NEK11: variants seen among roughly 807,000 people sequenced by gnomAD.
NEK11 encodes the protein NIMA related kinase 11.
In NEK11, 72 loss-of-function variants were observed where a neutral mutation model predicts 80.7. The observed-to-expected ratio is 0.89, with a 90% CI of 0.74 to 1.08. The LOEUF is 1.08. NEK11 is among the 50% of genes least tolerant of loss of function. The pLI is 0.00. For missense variants in NEK11, 764 were observed against 763.6 expected, an observed-to-expected ratio of 1.00 and a Z score of -0.01; for synonymous variants, 251 against 260.7, an observed-to-expected ratio of 0.96 and a Z score of 0.36.
chr3:131,292,994 A>AT (rs140423402), intron 17 of NEK11, among the ~76,000 whole-genome samples: 4 of 152,022 alleles, frequency 2.6e-5, no homozygotes, highest in Non-Finnish European at 5.9e-5. Flanking sequence ...CTTTTTATCG[A>AT]TTTTTTTAAA....
chr3:131,225,136 A>T (rs1179878797), intron 14 of NEK11, among the ~76,000 whole-genome samples: 2 of 152,194 alleles, frequency 1.3e-5, no homozygotes, highest in African/African-American at 4.8e-5. Flanking sequence ...CATTCATGGT[A>T]ACAGCCCTGT....
chr3:131,318,921 A>T (rs1485230526), intron 17 of NEK11, among the ~76,000 whole-genome samples: 1 of 151,814 alleles, frequency 6.6e-6, no homozygotes, highest in African/African-American at 2.4e-5. Flanking sequence ...TTTATTTTTG[A>T]CCCACCTTTC....
intron 14 of NEK11, among the ~76,000 whole-genome samples, chr3:131,218,954 A>AT (rs1317055071): frequency 6.6e-6 from 1 of 152,188 alleles, no homozygotes; most frequent in Non-Finnish European, 1.5e-5. Context: ...GGGAGTGTAA[A>AT]TTAGTTCAAC....
chr3:131,053,020 C>T (rs1160679), intron 3 of NEK11, among the ~76,000 whole-genome samples: 23,344 of 151,984 alleles, frequency 0.15, 1,860 homozygotes, highest in Non-Finnish European at 0.17. Context: ...TCCCGCCCCC[C>T]GGGACACTCT....
At chr3:131,209,557 A>G (rs1027993572) in intron 14 of NEK11, among the ~76,000 whole-genome samples, 4 of 152,184 alleles carry the variant, frequency 2.6e-5, no homozygotes, top group African/African-American at 9.7e-5. Flanking sequence ...TTCAGAAGGA[A>G]TGGTACCAGC....
chr3:131,042,947 C>T (rs1341319580), intron 3 of NEK11, among the ~76,000 whole-genome samples: 1 of 152,222 alleles, frequency 6.6e-6, no homozygotes, highest in East Asian at 1.9e-4. Context: ...TCTGCAGCCT[C>T]TGCTGGTGAT....
At chr3:131,028,168 T>C (rs1424275042) in intron 2 of NEK11, among the ~76,000 whole-genome samples, 166 bp downstream of exon 2, 1 of 152,218 alleles carries the variant, frequency 6.6e-6, no homozygotes, top group African/African-American at 2.4e-5. Context: ...AAAAAGCTGG[T>C]AACTAATCTC....
At chr3:131,266,994 A>G (rs1581138505) in intron 16 of NEK11, among the ~76,000 whole-genome samples, 1 of 152,188 alleles carries the variant, frequency 6.6e-6, no homozygotes, top group African/African-American at 2.4e-5. Context: ...CTGTTTTATC[A>G]GAGACTAAAT....
chr3:131,069,551 G>T (rs958696937), intron 3 of NEK11, among the ~76,000 whole-genome samples: 1 of 151,900 alleles, frequency 6.6e-6, no homozygotes, highest in South Asian at 2.1e-4. Flanking sequence ...GGCATTATTC[G>T]CAATAGCAAA....
intron 17 of NEK11, chr3:131,329,964 A>C (rs1245512718): frequency 6.6e-6 from 1 of 152,306 alleles, no homozygotes; most frequent in Non-Finnish European, 1.5e-5. Context: ...AAGTAGGCTT[A>C]CCGTGGCTGC....
At chr3:131,138,478 G>A (rs1238546125) in intron 7 of NEK11, among the ~76,000 whole-genome samples, 2 of 152,182 alleles carry the variant, frequency 1.3e-5, no homozygotes, top group Non-Finnish European at 2.9e-5. Context: ...CCAGGACCTA[G>A]GAAACTCACA....
intron 5 of NEK11, among the ~76,000 whole-genome samples, chr3:131,111,633 A>G (rs1397892872): frequency 6.6e-6 from 1 of 152,160 alleles, no homozygotes; most frequent in Non-Finnish European, 1.5e-5. Flanking sequence ...CAAGCTGGTC[A>G]TGAGAGCAAG....
chr3:131,158,744 C>T (rs1283553219), intron 10 of NEK11, among the ~76,000 whole-genome samples: 1 of 152,204 alleles, frequency 6.6e-6, no homozygotes, highest in East Asian at 1.9e-4. Context: ...CACCCTGACA[C>T]CTGCTAGCAC....
At chr3:131,175,102 A>G (rs1579591853) in intron 14 of NEK11, 3 of 1,083,358 alleles carry the variant, frequency 2.8e-6, no homozygotes, top group East Asian at 1.1e-4. Context: ...TTAAATGTCC[A>G]AGTGGAAATA....
rs202235683 is a variant in NEK11 at position 131,061,983 on chromosome 3, TA to T, written c.171-18438del. On this transcript the variant is annotated intron_variant, in intron 3 of 17. Transcript: ENST00000383366. ...GCGTACACCATGTTCAATCAAAAGATAACTGAGTTGATAACGAATGAATTCA... is the reference window on the plus strand; with the variant it reads ...GCGTACACCATGTTCAATCAAAAGATACTGAGTTGATAACGAATGAATTCA... Among the ~76,000 whole-genome samples, 542 of 152,290 alleles carry T rather than the reference TA, an allele frequency of 3.6e-3. 7 individuals are homozygous for T. The highest frequency in any genetic ancestry group is 0.028 in the East Asian group (143 of 5,190).
intron 7 of NEK11, among the ~76,000 whole-genome samples, chr3:131,137,386 G>A (rs1017118306): frequency 6.6e-6 from 1 of 152,102 alleles, no homozygotes; most frequent in Non-Finnish European, 1.5e-5. Flanking sequence ...AGTCCAACTT[G>A]CCAGCATTTC....
chr3:131,267,752 G>A (rs780359219), intron 16 of NEK11, among the ~76,000 whole-genome samples: 7 of 152,028 alleles, frequency 4.6e-5, no homozygotes, highest in Non-Finnish European at 1.0e-4. Context: ...TGCGTGTCTC[G>A]GGGTTGCTCT....
At chr3:131,202,874 A>G (rs1039959036) in intron 14 of NEK11, among the ~76,000 whole-genome samples, 2 of 152,346 alleles carry the variant, frequency 1.3e-5, no homozygotes, top group African/African-American at 2.4e-5. Context: ...CAAAACCACA[A>G]TGAGATACTA....
rs566250389 is a variant in NEK11 at position 131,181,606 on chromosome 3, T to C, written c.1399+10719T>C. On this transcript the variant is annotated intron_variant, in intron 14 of 17. Coordinates refer to ENST00000383366, the MANE Select transcript of NEK11 (RefSeq NM_024800.5). ...CTAAAAATACAAAAAATTAGCAGGG[T>C]GTGGTGGCGGGCGCCTGTAGTCCCA... 2.2e-3 allele frequency among the ~76,000 whole-genome samples: 330 copies of C among 151,282 alleles called. 1 individual carries two copies. Among genetic ancestry groups the C allele is most frequent in the African/African-American group, 5.5e-3 (226 of 41,258 alleles).
Sources: allele counts gnomAD v4.1 joint callset (sites outside exome capture counted in the v4.1 genomes callset), GRCh38; gene constraint gnomAD v4.1.1; transcripts MANE v1.5; gene names NCBI Gene and HGNC (gene_info 2026-07-23, HGNC 2026-07-21).